Variants in TUBB8B observed in about 807,000 individuals in gnomAD.
The protein encoded by TUBB8B is tubulin beta 8B.
Under a neutral mutation model 31.9 loss-of-function variants are expected in TUBB8B, and 26 were observed. The observed-to-expected ratio is 0.81, with a 90% confidence interval of 0.60 to 1.13. The LOEUF is 1.13. Ranked by LOEUF, TUBB8B falls within the 50% of genes most tolerant of loss-of-function variation. The pLI, the probability that TUBB8B is intolerant of heterozygous loss-of-function variation, is 0.00. For missense variants in TUBB8B, 467 were observed against 586.7 expected (o/e 0.80, Z 2.11); for synonymous variants, 173 against 231.0 (o/e 0.75, Z 2.28).
chr18:72,623 T>C, the TUBB8B span, among the ~76,000 whole-genome samples: 2 of 152,244 alleles, frequency 1.3e-5, no homozygotes, highest in Non-Finnish European at 2.9e-5. Flanking sequence ...GTGCCTACTT[T>C]TCCATTTTCC....
upstream of TUBB8B, among the ~76,000 whole-genome samples, chr18:52,882 G>A (rs553682145): frequency 6.6e-6 from 1 of 151,710 alleles, no homozygotes; most frequent in African/African-American, 2.4e-5. Flanking sequence ...TAACTATAAA[G>A]AGAAAGAGTT....
chr18:55,419 G>A, the TUBB8B span, among the ~76,000 whole-genome samples: 2 of 151,836 alleles, frequency 1.3e-5, no homozygotes, highest in African/African-American at 4.8e-5. Flanking sequence ...ATTTATAAAG[G>A]AAATAGGTTT....
chr18:72,877 G>A, the TUBB8B span, among the ~76,000 whole-genome samples: 2 of 152,156 alleles, frequency 1.3e-5, no homozygotes, highest in African/African-American at 2.4e-5. Context: ...TGAGGCAGGA[G>A]AATCGCTTGA....
At chr18:63,979 C>G in the TUBB8B span, among the ~76,000 whole-genome samples, 4 of 149,758 alleles carry the variant, frequency 2.7e-5, no homozygotes, top group Admixed American at 1.3e-4. Context: ...CTAACCCCAA[C>G]CCTTAACTCT....
Position 47,746 on chromosome 18 carries a change from C to T in TUBB8B, c.979G>A (p.Asp327Asn). The T allele has an allele frequency of 6.2e-7, 1 of 1,611,216 alleles. No individual in the cohort carries two copies. The highest frequency in any genetic ancestry group is 8.5e-7 in the Non-Finnish European group (1 of 1,178,820). Reference sequence around the variant, plus strand: ...TCTTGAATGTTGAACATTTGTTCATCCACCTCCCTCATGGGCATGCGACCC... The same window carrying T: ...TCTTGAATGTTGAACATTTGTTCATTCACCTCCCTCATGGGCATGCGACCC... Reference protein sequence around the residue: ...FRGRMPMREVDEQMFNIQDKN... With the variant: ...FRGRMPMREVNEQMFNIQDKN... The change falls in exon 4 of 4, where the codon GAT (aspartate) becomes AAT (asparagine). Residue 327 changes from aspartate to asparagine, a missense_variant. Asp to Asn is a conservative substitution (Grantham distance 23). Transcript: ENST00000308911.
the TUBB8B span, among the ~76,000 whole-genome samples, chr18:59,973 G>T: frequency 1.3e-5 from 2 of 151,670 alleles, no homozygotes; most frequent in African/African-American, 2.4e-5. Context: ...GAGTTTGCTA[G>T]GTTTTTTGCA....
the TUBB8B span, among the ~76,000 whole-genome samples, chr18:72,075 A>C: frequency 6.7e-6 from 1 of 149,376 alleles, no homozygotes; most frequent in East Asian, 2.0e-4. Context: ...GCTCTTGGGG[A>C]GGCTGAGACA....
chr18:64,178 T>A, the TUBB8B span, among the ~76,000 whole-genome samples: 5 of 152,078 alleles, frequency 3.3e-5, no homozygotes, highest in South Asian at 1.0e-3. Context: ...CAACCCTAAA[T>A]CAAACTCTAA....
chr18:59,877 C>A, the TUBB8B span, among the ~76,000 whole-genome samples: 1 of 151,742 alleles, frequency 6.6e-6, no homozygotes, highest in African/African-American at 2.4e-5. Context: ...ATCACATTGA[C>A]TGATTTGCGT....
the TUBB8B span, among the ~76,000 whole-genome samples, chr18:65,898 A>C: frequency 3.9e-5 from 6 of 152,312 alleles, no homozygotes; most frequent in South Asian, 1.2e-3. Context: ...CTATATTTCC[A>C]GACACTAGCA....
the TUBB8B span, among the ~76,000 whole-genome samples, chr18:59,237 T>C: frequency 2.0e-5 from 3 of 151,826 alleles, no homozygotes; most frequent in Non-Finnish European, 4.4e-5. Context: ...ATTTGACTTC[T>C]TTTCCAATTG....
rs963464883 is a variant in TUBB8B at position 48,973 on chromosome 18, C to T, written c.244G>A (p.Gly82Arg). Reference protein sequence around the residue: ...TMDSVHSGPFGQVFRPDNFIS... With the variant: ...TMDSVHSGPFRQVFRPDNFIS... ...AAGTTGTCTGGCCTGAAGACCTGCC[C>T]GAAGGGCCCCGAGTGCACAGAGTCC... The change falls in exon 3 of 4, where the codon GGG becomes AGG. Residue 82 changes from glycine (G) to arginine (R), a missense_variant. Physicochemically the swap from Gly to Arg is moderately radical, Grantham distance 125. This residue lies in a region of TUBB8B where 259 missense variants were observed against 380.1 expected (regional missense o/e 0.68). Transcript: ENST00000308911. 8 of 1,608,472 alleles carry T rather than the reference C, an allele frequency of 5.0e-6. No individual in the cohort carries two copies. The highest frequency in any genetic ancestry group is 1.3e-5 in the African/African-American group (1 of 74,670).
chr18:63,523 G>A, the TUBB8B span, among the ~76,000 whole-genome samples: 1 of 151,592 alleles, frequency 6.6e-6, no homozygotes, highest in African/African-American at 2.4e-5. Flanking sequence ...CACTGAGACT[G>A]CGCTGGTTCA....
chr18:51,731 A>T (rs1284972316), upstream of TUBB8B, among the ~76,000 whole-genome samples: 3 of 151,588 alleles, frequency 2.0e-5, no homozygotes, highest in Admixed American at 1.3e-4. Context: ...TGGTTTTATA[A>T]AGGGGAGTTT....
upstream of TUBB8B, among the ~76,000 whole-genome samples, chr18:54,463 A>T (rs963992482): frequency 6.6e-6 from 1 of 151,716 alleles, no homozygotes; most frequent in African/African-American, 2.4e-5. Flanking sequence ...TTGTGCTATC[A>T]AATACTGTCT....
the TUBB8B span, among the ~76,000 whole-genome samples, chr18:62,056 G>A: frequency 5.3e-5 from 8 of 151,524 alleles, no homozygotes; most frequent in Non-Finnish European, 1.2e-4. Flanking sequence ...TTTGTTTGTC[G>A]GAAAAAGTTC....
upstream of TUBB8B, chr18:50,647 C>A (rs1382548214): frequency 6.6e-6 from 1 of 151,772 alleles, no homozygotes; most frequent in Non-Finnish European, 1.5e-5. Flanking sequence ...TGGTACTTGG[C>A]ATTAGTAATT....
chr18:48,624 A>G, intron 3 of TUBB8B, 177 bp from the exon 4 acceptor site: 1 of 686,706 alleles, frequency 1.5e-6, no homozygotes, highest in Admixed American at 2.1e-5. Flanking sequence ...CCCTGTTAGA[A>G]ATTAAGACAG....
chr18:67,010 T>TTC, the TUBB8B span, among the ~76,000 whole-genome samples: 5 of 151,534 alleles, frequency 3.3e-5, no homozygotes, highest in African/African-American at 7.3e-5. Context: ...TTTTTTTTTT[T>TTC]CCAGAAACGG....
Sources: allele counts gnomAD v4.1 joint callset (sites outside exome capture counted in the v4.1 genomes callset), GRCh38; gene constraint gnomAD v4.1.1; regional missense constraint gnomAD v4.1.1; transcripts MANE v1.5; gene names NCBI Gene and HGNC (gene_info 2026-07-23, HGNC 2026-07-21).